CHD1L: variants seen among roughly 807,000 people sequenced by gnomAD.
CHD1L encodes the protein ATP-dependent chromatin remodeler CHD1L.
CHD1L carries 118 observed loss-of-function variants against 115.9 expected under a neutral mutation model. That is an observed-to-expected ratio of 1.02 (90% CI 0.88 to 1.19). CHD1L has a LOEUF of 1.19. CHD1L is among the 50% of genes most tolerant of loss of function. CHD1L has a pLI of 0.00. For synonymous variants in CHD1L, 411 were observed against 387.1 expected, an observed-to-expected ratio of 1.06 and a Z score of -0.72; for missense variants, 1,179 against 1,065.3, an observed-to-expected ratio of 1.11 and a Z score of -1.49.
At chr1:147,192,685 C>T in the CHD1L span, among the ~76,000 whole-genome samples, 1 of 152,096 alleles carries the variant, frequency 6.6e-6, no homozygotes, top group Non-Finnish European at 1.5e-5. Context: ...AGATACATCC[C>T]ATCGATACCT....
the CHD1L span, among the ~76,000 whole-genome samples, chr1:147,220,593 A>G: frequency 6.6e-6 from 1 of 152,240 alleles, no homozygotes; most frequent in African/African-American, 2.4e-5. Context: ...AAAAACTGAC[A>G]AACGCTATTT....
At chr1:147,267,738 C>T (rs782272813) in intron 9 of CHD1L, among the ~76,000 whole-genome samples, 18 of 152,146 alleles carry the variant, frequency 1.2e-4, no homozygotes, top group Non-Finnish European at 2.2e-4. Context: ...GTTAAATCCA[C>T]GATCCAGTCC....
intron 5 of CHD1L, among the ~76,000 whole-genome samples, chr1:147,258,548 T>C (rs1415581169): frequency 6.6e-6 from 1 of 152,200 alleles, no homozygotes; most frequent in Non-Finnish European, 1.5e-5. Context: ...CATCCTCTGC[T>C]CATGCCACCC....
chr1:147,186,831 C>T, the CHD1L span: 2 of 1,527,182 alleles, frequency 1.3e-6, no homozygotes, highest in East Asian at 4.5e-5. Flanking sequence ...GAGAGTCAAT[C>T]TCGTCAGATT....
Position 147,260,262 on chromosome 1 carries a change from T to C in CHD1L, c.576+344T>C, listed in dbSNP as rs868974009. 7 of 175,626 alleles carry C rather than the reference T, an allele frequency of 4.0e-5. No individual in the cohort carries two copies. In the Middle Eastern group the frequency reaches 7.5e-3, roughly 189 times the overall value. The allele number at this position is 175,626 out of a possible 1,614,324, so 10.9% of individuals were successfully genotyped here. A position where few individuals can be genotyped will look rare whatever the true frequency, so the allele number is the denominator to read the frequency against. Reference sequence around the variant, plus strand: ...AATACCATGATATCTACTGTTATAGTATCATACAGAGTAGTTTCACTGCCC... The same window carrying C: ...AATACCATGATATCTACTGTTATAGCATCATACAGAGTAGTTTCACTGCCC... On this transcript the variant is annotated intron_variant, in intron 6 of 22. Coordinates refer to ENST00000369258, the MANE Select transcript of CHD1L (RefSeq NM_004284.6).
At chr1:147,256,290 T>C (rs1047874694) in intron 4 of CHD1L, among the ~76,000 whole-genome samples, 1 of 152,178 alleles carries the variant, frequency 6.6e-6, no homozygotes, top group Non-Finnish European at 1.5e-5. Context: ...TCCGGCCTTA[T>C]TTTAAATCCT....
the CHD1L span, among the ~76,000 whole-genome samples, chr1:147,232,700 T>C: frequency 5.9e-3 from 905 of 152,276 alleles, 4 homozygotes; most frequent in Non-Finnish European, 9.4e-3. Flanking sequence ...GGGGTTTCGC[T>C]GTGTTGGCCG....
intron 11 of CHD1L, among the ~76,000 whole-genome samples, chr1:147,271,358 TACTC>T (rs1208831714): frequency 6.6e-6 from 1 of 152,212 alleles, no homozygotes; most frequent in Non-Finnish European, 1.5e-5. Flanking sequence ...GTTGAGCACT[TACTC>T]ATGATCAGTG....
At chr1:147,188,194 C>T in the CHD1L span, among the ~76,000 whole-genome samples, 1 of 152,046 alleles carries the variant, frequency 6.6e-6, no homozygotes, top group African/African-American at 2.4e-5. Flanking sequence ...TGTAGACATG[C>T]ATTTATTTAT....
At chr1:147,240,834 A>G (rs974148094), upstream of CHD1L, among the ~76,000 whole-genome samples, 1 of 152,104 alleles carries the variant, frequency 6.6e-6, no homozygotes. Flanking sequence ...TCTCTCCACT[A>G]TTACCCTATT....
the CHD1L span, among the ~76,000 whole-genome samples, chr1:147,214,223 A>G: frequency 6.6e-6 from 1 of 152,100 alleles, no homozygotes; most frequent in South Asian, 2.1e-4. Context: ...AGGCTGAGCC[A>G]GGTGAATCAC....
chr1:147,203,937 G>T, the CHD1L span: 2 of 1,395,164 alleles, frequency 1.4e-6, no homozygotes, highest in Non-Finnish European at 2.0e-6. Context: ...AATCTAGGAA[G>T]AGCTGTAGCA....
At chr1:147,284,723 T>G (rs6704019) in intron 16 of CHD1L, among the ~76,000 whole-genome samples, 1 of 152,002 alleles carries the variant, frequency 6.6e-6, no homozygotes, top group Admixed American at 6.5e-5. Context: ...CGATGTCATG[T>G]AGGTGAAAGC....
At chr1:147,247,803 C>A (rs10751404) in intron 1 of CHD1L, among the ~76,000 whole-genome samples, 1 of 152,152 alleles carries the variant, frequency 6.6e-6, no homozygotes, top group Admixed American at 6.5e-5. Flanking sequence ...AGGCTGCCCA[C>A]ATCACTTGAC....
Position 147,264,504 on chromosome 1 carries a change from T to C in CHD1L, c.659T>C (p.Val220Ala). ...GAGCTCTACTCCCTCCTCAGTTTTG[T>C]GGAGCCTGATCTCTTTTCCAAGGAA... ...LQELYSLLSF[V>A]EPDLFSKEEV... The change falls in exon 7 of 23, where the codon GTG (valine) becomes GCG (alanine). Residue 220 changes from valine (V) to alanine (A), a missense_variant. Coordinates refer to ENST00000369258, the MANE Select transcript of CHD1L (RefSeq NM_004284.6). 6.2e-7 allele frequency: 1 copy of C among 1,614,124 alleles called. No homozygotes were observed. Among genetic ancestry groups the C allele is most frequent in the Non-Finnish European group, 8.5e-7 (1 of 1,179,968 alleles).
At chr1:147,224,801 G>A in the CHD1L span, 4 of 1,280,858 alleles carry the variant, frequency 3.1e-6, no homozygotes, top group African/African-American at 4.4e-5. Context: ...TGTGCCAACC[G>A]CGCCCGGCCA....
chr1:147,175,367 T>G, the CHD1L span: 7 of 152,326 alleles, frequency 4.6e-5, no homozygotes, highest in East Asian at 1.3e-3. Context: ...TGATATGGTT[T>G]GGTTCTGTGT....
At chr1:147,187,029 T>C in the CHD1L span, 4 of 1,614,060 alleles carry the variant, frequency 2.5e-6, no homozygotes, top group Non-Finnish European at 3.4e-6. Flanking sequence ...TGCGATCATC[T>C]GTGGTGAGGA....
the CHD1L span, chr1:147,223,842 C>G: frequency 3.3e-6 from 1 of 303,314 alleles, no homozygotes. Flanking sequence ...TGACTGCTTA[C>G]GCGGGCCCAC....
Sources: allele counts gnomAD v4.1 joint callset (sites outside exome capture counted in the v4.1 genomes callset), GRCh38; gene constraint gnomAD v4.1.1; transcripts MANE v1.5; gene names NCBI Gene and HGNC (gene_info 2026-07-23, HGNC 2026-07-21).